CAMK2G: variants seen among roughly 807,000 people sequenced by gnomAD.
CAMK2G encodes the protein calcium/calmodulin dependent protein kinase II gamma.
In CAMK2G, 23 loss-of-function variants were observed where a neutral mutation model predicts 88.7. The observed-to-expected ratio is 0.26, with a 90% CI of 0.19 to 0.37. CAMK2G has a LOEUF of 0.37. Among genes scored for constraint, CAMK2G ranks in the 10% least tolerant of loss-of-function variants. CAMK2G has a pLI of 1.00. For missense variants in CAMK2G, 476 were observed against 780.8 expected (o/e 0.61, Z 4.65); for synonymous variants, 263 against 294.8 (o/e 0.89, Z 1.11).
At chr10:73,838,819 G>A (rs930315102) in intron 13 of CAMK2G, among the ~76,000 whole-genome samples, 4 of 152,176 alleles carry the variant, frequency 2.6e-5, no homozygotes, top group Non-Finnish European at 5.9e-5. Flanking sequence ...TAAAAAAAGC[G>A]TACTACCTAT....
rs1246617822 is a variant in CAMK2G, at chr10:73,817,511, T to C, written c.1407A>G (p.Glu469=). 1.9e-6 allele frequency: 3 copies of C among 1,613,350 alleles called. No homozygotes were observed. The highest frequency in any genetic ancestry group is 2.5e-6 in the Non-Finnish European group (3 of 1,179,384). The change falls in exon 20 of 23, where the codon GAA becomes GAG. Residue 469 remains glutamate (E), a synonymous_variant. Transcript: ENST00000423381. Reference sequence around the variant, plus strand: ...CCTCAAAGTCCCCATTGTTGATGGCTTCAATCAGCTGTTCTGTAATCTTAA... The same window carrying C: ...CCTCAAAGTCCCCATTGTTGATGGCCTCAATCAGCTGTTCTGTAATCTTAA... ...EIIKITEQLI[E]AINNGDFEAY...
At chr10:73,864,708 T>C (rs1035209810) in intron 2 of CAMK2G, among the ~76,000 whole-genome samples, 2 of 152,136 alleles carry the variant, frequency 1.3e-5, no homozygotes, top group Non-Finnish European at 2.9e-5. Flanking sequence ...AGTGGCATGA[T>C]CTCGGCTCAC....
intron 13 of CAMK2G, among the ~76,000 whole-genome samples, chr10:73,838,379 T>C (rs1449100565): frequency 2.0e-5 from 3 of 152,234 alleles, no homozygotes; most frequent in Non-Finnish European, 4.4e-5. Context: ...TGTGTGACCT[T>C]TGGTGAGTTA....
At position 73,819,604 on chromosome 10, in the gene CAMK2G, C is replaced by T. The variant is rs1464425796; in HGVS notation, c.1291G>A (p.Gly431Arg). Reference protein sequence around the residue: ...RTGNGSSVPEGRSSRDRTAPS... With the variant: ...RTGNGSSVPERRSSRDRTAPS... ...GCTGTTCTGTCCCGGGAGCTCCGTC[C>T]TTCAGGCACCGAGCTGCCATTCCCA... Residue 431 changes from glycine to arginine, a missense_variant, in exon 19 of 23, where the codon GGA (glycine) becomes AGA (arginine). This residue lies in a region of CAMK2G where 278 missense variants were observed against 366.5 expected (regional missense o/e 0.76). Transcript: ENST00000423381. 7 of 1,547,064 alleles carry T rather than the reference C, an allele frequency of 4.5e-6. No individual in the cohort carries two copies. The highest frequency in any genetic ancestry group is 6.1e-6 in the Non-Finnish European group (7 of 1,146,924).
chr10:73,837,545 C>T, intron 13 of CAMK2G, 34 bp from the exon 14 acceptor site: 1 of 1,567,416 alleles, frequency 6.4e-7, no homozygotes, highest in South Asian at 1.1e-5. Flanking sequence ...AAGTCTCCTG[C>T]ATTGTACCCT....
rs1256681357 is a variant in CAMK2G at position 73,847,024 on chromosome 10, G to A, written c.819+201C>T. 7.1e-6 allele frequency: 4 copies of A among 564,648 alleles called. No individual in the cohort carries two copies. In the East Asian group the frequency reaches 8.8e-5, roughly 12 times the overall value. 35.0% of individuals were successfully genotyped at this position (564,648 alleles called of 1,614,324 possible). On this transcript the variant is annotated intron_variant, in intron 10 of 22. Coordinates refer to ENST00000423381, the MANE Select transcript of CAMK2G (RefSeq NM_001367534.1). ...GCCATGAGTGGGGGAGAGAGGAGCA[G>A]TGGCCCACCAGCCCCATCAGCCTCC...
intron 15 of CAMK2G, 54 bp from the exon 16 acceptor site, chr10:73,825,401 G>T: frequency 7.1e-7 from 1 of 1,403,150 alleles, no homozygotes; most frequent in Non-Finnish European, 1.0e-6. Flanking sequence ...AGGCCACTCA[G>T]GTTCAACTCC....
chr10:73,815,484 C>T (rs2085152695), intron 21 of CAMK2G, among the ~76,000 whole-genome samples: 1 of 151,366 alleles, frequency 6.6e-6, no homozygotes, highest in Admixed American at 6.6e-5. Context: ...GTACCTGCTG[C>T]GCTTTTAATC....
At chr10:73,851,762 G>A (rs1457280831) in intron 5 of CAMK2G, among the ~76,000 whole-genome samples, 64 of 135,380 alleles carry the variant, frequency 4.7e-4, no homozygotes, top group African/African-American at 8.2e-5. Context: ...GGGGGGGGGA[G>A]GGGGACATAG....
At chr10:73,830,797 A>G (rs2092310369) in intron 14 of CAMK2G, among the ~76,000 whole-genome samples, 1 of 152,234 alleles carries the variant, frequency 6.6e-6, no homozygotes, top group Non-Finnish European at 1.5e-5. Flanking sequence ...TAAGTCCCCC[A>G]AATCAAGAAC....
chr10:73,869,850 C>T (rs2095753451), intron 2 of CAMK2G, among the ~76,000 whole-genome samples: 1 of 152,220 alleles, frequency 6.6e-6, no homozygotes, highest in Admixed American at 6.5e-5. Flanking sequence ...AAGGGCATTA[C>T]CCCAGTATCT....
intron 18 of CAMK2G, among the ~76,000 whole-genome samples, chr10:73,820,484 ATATATATATTTTT>A (rs1565180038): frequency 8.3e-5 from 3 of 36,094 alleles, no homozygotes; most frequent in African/African-American, 3.3e-4. Context: ...ATATATATAT[ATATATATATTTTT>A]TTTTTTTTTT....
intron 14 of CAMK2G, among the ~76,000 whole-genome samples, chr10:73,829,428 G>A (rs930187914): frequency 6.6e-6 from 1 of 151,944 alleles, no homozygotes; most frequent in East Asian, 1.9e-4. Flanking sequence ...CTGAGTGGCT[G>A]GGATTACAGG....
chr10:73,824,842 C>T (rs1014478068), intron 16 of CAMK2G, among the ~76,000 whole-genome samples: 1 of 152,248 alleles, frequency 6.6e-6, no homozygotes, highest in African/African-American at 2.4e-5. Flanking sequence ...GACCCCAGCC[C>T]TCTTTCCTGT....
In CAMK2G at chr10:73,842,280, G is replaced by T; in HGVS notation, c.904-69C>A. The T allele has an allele frequency of 7.4e-7, 1 of 1,350,352 alleles. No homozygotes were observed. Among genetic ancestry groups the T allele is most frequent in the Non-Finnish European group, 1.1e-6 (1 of 939,276 alleles). The allele number at this position is 1,350,352 out of a possible 1,614,324, so 83.6% of individuals were successfully genotyped here. A position where few individuals can be genotyped will look rare whatever the true frequency, so the allele number is the denominator to read the frequency against. ...AAAGGGCAGGCTGGTCTCAGGCAAAGGCAGGTCCTGGCTAGAGCCTGAAGA... is the reference window on the plus strand; with the variant it reads ...AAAGGGCAGGCTGGTCTCAGGCAAATGCAGGTCCTGGCTAGAGCCTGAAGA... On this transcript the variant is annotated intron_variant, in intron 11 of 22. Transcript: ENST00000423381. This position sits in a 1 kb window ranked among gnomAD's most constrained non-coding sequence, Gnocchi z 4.6.
intron 3 of CAMK2G, among the ~76,000 whole-genome samples, chr10:73,854,952 G>A (rs562348557): frequency 1.3e-5 from 2 of 152,218 alleles, no homozygotes; most frequent in Non-Finnish European, 2.9e-5. Context: ...CTGGGAACGG[G>A]ATCAAAGGCA....
intron 14 of CAMK2G, among the ~76,000 whole-genome samples, chr10:73,829,636 T>C (rs1185949033): frequency 6.6e-6 from 1 of 151,652 alleles, no homozygotes; most frequent in Non-Finnish European, 1.5e-5. Context: ...AATATGATAT[T>C]TTACTTCGAA....
intron 22 of CAMK2G, chr10:73,814,706 TCC>T: frequency 2.7e-6 from 1 of 375,356 alleles, no homozygotes; most frequent in Non-Finnish European, 5.0e-6. Flanking sequence ...TCTTACTTAA[TCC>T]TCACAATGAT....
At chr10:73,840,810 C>A (rs1256172310) in intron 12 of CAMK2G, among the ~76,000 whole-genome samples, 3 of 152,220 alleles carry the variant, frequency 2.0e-5, no homozygotes, top group African/African-American at 7.2e-5. Context: ...CTAGGGGCAA[C>A]ACCGAAACGC....
Sources: gnomAD v4.1 joint callset for allele counts (sites outside exome capture counted in the v4.1 genomes callset) on GRCh38, gnomAD v4.1.1 for gene constraint, gnomAD v4.1.1 regional missense constraint, Gnocchi (gnomAD v3.1) non-coding constraint, MANE v1.5 for transcripts, NCBI Gene and HGNC (gene_info 2026-07-23, HGNC 2026-07-21) for gene names.